KDM6A: variants seen among roughly 807,000 people sequenced by gnomAD.
KDM6A encodes lysine demethylase 6A, also known as lysine-specific demethylase 6A.
In KDM6A, 11 loss-of-function variants were observed where a neutral mutation model predicts 117.6. The ratio of observed to expected loss-of-function variants is 0.09; its 90% CI spans 0.06 to 0.15. The LOEUF is 0.15. KDM6A is among the 10% of genes least tolerant of loss of function. The pLI, the probability that KDM6A is intolerant of heterozygous loss-of-function variation, is 1.00. For missense variants in KDM6A, 799 were observed against 1,077.3 expected (o/e 0.74, Z 3.62); for synonymous variants, 384 against 396.1 (o/e 0.97, Z 0.36).
Position 45,111,364 on chromosome X carries a change from CCTTA to C in KDM6A, c.4333-14_4333-11del. The stretch of plus-strand genomic sequence containing the variant: ...ACAATTTGTATATCAAAATAACCTA[CCTTA>C]CTTTTATTTTCAGGCTCCTCCATTA... On this transcript the variant is annotated splice_polypyrimidine_tract_variant and intron_variant, in intron 29 of 29. Coordinates refer to ENST00000611820, the MANE Select transcript of KDM6A (RefSeq NM_001291415.2). 1 of 1,175,420 alleles carries C rather than the reference CCTTA, an allele frequency of 8.5e-7. No homozygotes were observed. The highest frequency in any genetic ancestry group is 1.2e-6 in the Non-Finnish European group (1 of 862,742).
chrX:45,040,448 T>A (rs1393799698), intron 8 of KDM6A, among the ~76,000 whole-genome samples: 3 of 74,239 alleles, frequency 4.0e-5, no homozygotes, highest in African/African-American at 1.6e-4. Context: ...GGCGGGGGGC[T>A]GACCCCCCCC....
intron 4 of KDM6A, among the ~76,000 whole-genome samples, chrX:44,980,376 G>T (rs1440383252): frequency 9.0e-6 from 1 of 110,895 alleles, no homozygotes; most frequent in Non-Finnish European, 1.9e-5. Flanking sequence ...TGCAGAAACG[G>T]TATAATTCAG....
intron 2 of KDM6A, among the ~76,000 whole-genome samples, chrX:44,878,336 T>C (rs998757648): frequency 8.9e-6 from 1 of 111,809 alleles, no homozygotes; most frequent in African/African-American, 3.3e-5. Context: ...GGCTAGTGTT[T>C]TGGTTAGAAA....
chrX:44,961,398 T>C lies in KDM6A; in HGVS notation c.334+6T>C. On this transcript the variant is annotated splice_donor_region_variant and intron_variant, in intron 3 of 29. Transcript: ENST00000611820. ...ATTGGAAGATTATCCAAAAGGTAAT[T>C]TTTTTCTTGTTCATTATTGTTTGAT... 1 of 1,054,893 alleles carries C rather than the reference T, an allele frequency of 9.5e-7. No individual in the cohort carries two copies. The highest frequency in any genetic ancestry group is 1.3e-6 in the Non-Finnish European group (1 of 755,135). The allele number at this position is 1,054,893 out of a possible 1,213,427, so 86.9% of individuals were successfully genotyped here. A position where few individuals can be genotyped will look rare whatever the true frequency, so the allele number is the denominator to read the frequency against.
intron 3 of KDM6A, among the ~76,000 whole-genome samples, chrX:44,963,868 C>T (rs1191253786): frequency 3.6e-5 from 4 of 109,724 alleles, no homozygotes; most frequent in Non-Finnish European, 5.7e-5. Flanking sequence ...TACAGGCATG[C>T]GACACCATGC....
intron 4 of KDM6A, among the ~76,000 whole-genome samples, chrX:44,998,959 C>T (rs1271408340): frequency 1.8e-5 from 2 of 111,598 alleles, no homozygotes; most frequent in African/African-American, 3.3e-5. Context: ...CAGTGGATGC[C>T]TGAAACTTCA....
chrX:45,031,833 C>T (rs2042612109), intron 6 of KDM6A, among the ~76,000 whole-genome samples: 1 of 110,933 alleles, frequency 9.0e-6, no homozygotes, highest in African/African-American at 3.3e-5. Flanking sequence ...TAGATTTCTC[C>T]CCCCTCCCCA....
intron 10 of KDM6A, among the ~76,000 whole-genome samples, chrX:45,055,124 C>G: frequency 9.0e-6 from 1 of 110,968 alleles, no homozygotes; most frequent in Non-Finnish European, 1.9e-5. Flanking sequence ...AGAAATTATC[C>G]TGTTTTAATT....
chrX:45,040,568 C>A (rs1193228368), intron 8 of KDM6A, among the ~76,000 whole-genome samples: 1 of 67,803 alleles, frequency 1.5e-5, no homozygotes, highest in African/African-American at 6.2e-5. Context: ...CCAGTAGGGG[C>A]GGCCGGGCAG....
chrX:44,884,027 G>T lies in KDM6A; in HGVS notation c.225+10040G>T, dbSNP rs754221147. ...TGAGGCAGGAGAATAGCTTGAACCCGGGAGGTGGAGGTTGTGGTGAGCCGA... is the reference window on the plus strand; with the variant it reads ...TGAGGCAGGAGAATAGCTTGAACCCTGGAGGTGGAGGTTGTGGTGAGCCGA... On this transcript the variant is annotated intron_variant, in intron 2 of 29. Transcript: ENST00000611820. 1.5e-4 allele frequency among the ~76,000 whole-genome samples: 16 copies of T among 104,174 alleles called. 1 individual carries two copies. In the South Asian group the frequency reaches 7.1e-3, roughly 46 times the overall value. 90.5% of individuals were successfully genotyped at this position (104,174 alleles called of 115,157 possible).
intron 2 of KDM6A, among the ~76,000 whole-genome samples, chrX:44,927,296 T>C (rs955300017): frequency 9.0e-6 from 1 of 111,204 alleles, no homozygotes; most frequent in Non-Finnish European, 1.9e-5. Context: ...ATATTTTCAA[T>C]ATGCAGTTGG....
At chrX:44,904,136 G>C (rs776953607) in intron 2 of KDM6A, among the ~76,000 whole-genome samples, 6 of 112,160 alleles carry the variant, frequency 5.3e-5, no homozygotes, top group African/African-American at 1.9e-4. Context: ...TGACTTCTCT[G>C]AATTAATTTT....
intron 6 of KDM6A, among the ~76,000 whole-genome samples, chrX:45,033,293 G>A (rs1314952841): frequency 1.8e-5 from 2 of 112,118 alleles, no homozygotes; most frequent in African/African-American, 6.5e-5. Context: ...ACACTAAAGG[G>A]ATGTTTGAAG....
Position 45,107,550 on chromosome X carries a change from T to C in KDM6A, c.4161+14T>C, listed in dbSNP as rs5952682. 110,971 of 1,205,888 alleles carry C rather than the reference T, an allele frequency of 0.092. 9,868 individuals are homozygous for C. Among genetic ancestry groups the C allele is most frequent in the African/African-American group, 0.61 (34,696 of 56,647 alleles). ...AGCATTTGTGAAGTAAGTAATTGTTTTTATCCACAGTTGTTTTATAAAGCC... is the reference window on the plus strand; with the variant it reads ...AGCATTTGTGAAGTAAGTAATTGTTCTTATCCACAGTTGTTTTATAAAGCC... On this transcript the variant is annotated intron_variant, in intron 28 of 29. Transcript: ENST00000611820.
intron 3 of KDM6A, among the ~76,000 whole-genome samples, chrX:44,972,440 AC>A (rs2039400405): frequency 9.1e-6 from 1 of 110,236 alleles, no homozygotes; most frequent in African/African-American, 3.3e-5. Context: ...TGAACAAGAT[AC>A]CGTTTATCTT....
chrX:45,079,213 A>G lies in KDM6A; in HGVS notation c.3162A>G (p.Thr1054=), dbSNP rs754639174. ...ANNEHMVEVR[T]QLLQPADENW... ...ATGAACATATGGTAGAAGTGAGGAC[A>G]CAGTTGTTGCAGCCAGCAGATGAAA... The change falls in exon 21 of 30, where the codon ACA becomes ACG. Residue 1054 remains threonine, a synonymous_variant. Transcript: ENST00000611820. 59 of 1,208,808 alleles carry G rather than the reference A, an allele frequency of 4.9e-5. No individual in the cohort carries two copies. The highest frequency in any genetic ancestry group is 5.4e-5 in the Non-Finnish European group (48 of 894,204).
intron 2 of KDM6A, among the ~76,000 whole-genome samples, chrX:44,911,143 C>T (rs1233458620): frequency 1.1e-3 from 120 of 107,839 alleles, no homozygotes; most frequent in African/African-American, 4.0e-3. Context: ...CACCTCCCTC[C>T]CGGACGGGGC....
At chrX:45,035,939 T>G (rs993805963) in intron 7 of KDM6A, among the ~76,000 whole-genome samples, 46 of 110,799 alleles carry the variant, frequency 4.2e-4, no homozygotes, top group Non-Finnish European at 1.1e-4. Flanking sequence ...GACCTCGTGA[T>G]CCTCCCACCT....
At chrX:45,107,025 A>C (rs1402274683) in intron 27 of KDM6A, 1 of 184,106 alleles carries the variant, frequency 5.4e-6, no homozygotes, top group Non-Finnish European at 9.9e-6. Flanking sequence ...GAATCATAGA[A>C]GTTCATATCT....
Sources: gnomAD v4.1 joint callset for allele counts (sites outside exome capture counted in the v4.1 genomes callset) on GRCh38, gnomAD v4.1.1 for gene constraint, MANE v1.5 for transcripts, NCBI Gene and HGNC (gene_info 2026-07-23, HGNC 2026-07-21) for gene names.